Variants in ATAD3A observed in about 807,000 individuals in gnomAD.
The protein encoded by ATAD3A is ATPase family AAA domain containing 3A, also known as ATPase family AAA domain-containing protein 3A.
ATAD3A carries 46 observed loss-of-function variants against 73.8 expected under a neutral mutation model. The observed-to-expected ratio is 0.62, with a 90% CI of 0.49 to 0.80. The LOEUF (loss-of-function observed/expected upper bound fraction) is 0.80, where lower values mean the gene tolerates loss of function less well. Among genes scored for constraint, ATAD3A ranks in the 30% least tolerant of loss-of-function variants. ATAD3A has a pLI of 0.00. For synonymous variants in ATAD3A, 319 were observed against 350.0 expected (o/e 0.91, Z 0.99); for missense variants, 705 against 838.0 (o/e 0.84, Z 1.96).
At chr1:1,525,413 C>CTTT (rs57929223) in intron 12 of ATAD3A, 122 bp downstream of exon 12, 399 of 744,986 alleles carry the variant, frequency 5.4e-4, no homozygotes, top group Middle Eastern at 7.1e-4. Context: ...TGAAAAACAG[C>CTTT]TTTTTTTTTT....
At chr1:1,526,298 C>G (rs1157176893) in intron 12 of ATAD3A, among the ~76,000 whole-genome samples, 163 bp from the exon 13 acceptor site, 4 of 152,074 alleles carry the variant, frequency 2.6e-5, no homozygotes, top group African/African-American at 9.7e-5. Context: ...AGGTTACATT[C>G]GTGAGCCACC....
rs146789318 is a variant in ATAD3A, at chr1:1,517,908, A to G, written c.444+133A>G. 6.8e-4 allele frequency: 854 copies of G among 1,259,154 alleles called. 2 individuals carry two copies. The African/African-American group carries it at 0.011, about 16-fold the overall frequency. The allele number at this position is 1,259,154 out of a possible 1,614,324, so 78.0% of individuals were successfully genotyped here. A position where few individuals can be genotyped will look rare whatever the true frequency, so the allele number is the denominator to read the frequency against. On this transcript the variant is annotated intron_variant, in intron 4 of 15. Coordinates refer to ENST00000378756, the MANE Select transcript of ATAD3A (RefSeq NM_001170535.3). ...GACGGTGGGTGCTAGAGCAGGGGAAACTACTCGGACAGACACGCACCAGCA... is the reference window on the plus strand; with the variant it reads ...GACGGTGGGTGCTAGAGCAGGGGAAGCTACTCGGACAGACACGCACCAGCA...
chr1:1,529,545 C>A lies in ATAD3A; in HGVS notation c.1614+214C>A, dbSNP rs145045460. On this transcript the variant is annotated intron_variant, in intron 15 of 15. Transcript: ENST00000378756. ...TGCCCTCAGGAGGGTGGAGCCATGT[C>A]GGTGGCTGACAGTCACCCGGGGCTC... Among the ~76,000 whole-genome samples, 102 of 152,340 alleles carry A rather than the reference C, an allele frequency of 6.7e-4. 1 individual carries two copies. The highest frequency in any genetic ancestry group is 2.4e-3 in the African/African-American group (98 of 41,588).
rs562311234 is a variant in ATAD3A at position 1,516,306 on chromosome 1, G to A, written c.282+218G>A. 1.3e-4 allele frequency among the ~76,000 whole-genome samples: 20 copies of A among 152,138 alleles called. No individual in the cohort carries two copies. In the South Asian group the frequency reaches 2.3e-3, roughly 17 times the overall value. On this transcript the variant is annotated intron_variant, in intron 2 of 15. Coordinates refer to ENST00000378756, the MANE Select transcript of ATAD3A (RefSeq NM_001170535.3). ...CGAGAGGGAGGGCTGGTGTTGGTGA[G>A]GGCGTCTGGTCGTCCGGAGGGAGGG...
In ATAD3A at chr1:1,520,763, C is replaced by T; in HGVS notation, c.750+146C>T. 1 of 1,315,994 alleles carries T rather than the reference C, an allele frequency of 7.6e-7. No homozygotes were observed. Among genetic ancestry groups the T allele is most frequent in the Admixed American group, 2.4e-5 (1 of 41,856 alleles). The allele number at this position is 1,315,994 out of a possible 1,614,324, so 81.5% of individuals were successfully genotyped here. A position where few individuals can be genotyped will look rare whatever the true frequency, so the allele number is the denominator to read the frequency against. ...GGAAGCCCACGTTGTACCTGCTGGC[C>T]TCGGCTTCTCCTCCCTTCTCAAGCT... On this transcript the variant is annotated intron_variant, in intron 7 of 15. Coordinates refer to ENST00000378756, the MANE Select transcript of ATAD3A (RefSeq NM_001170535.3). The surrounding 1 kb of genome is among the most constrained non-coding windows in gnomAD (Gnocchi z 4.0).
intron 1 of ATAD3A, among the ~76,000 whole-genome samples, chr1:1,513,465 G>A (rs1000711857): frequency 1.3e-5 from 2 of 150,856 alleles, no homozygotes; most frequent in Non-Finnish European, 3.0e-5. Flanking sequence ...TGGCGGCCCC[G>A]GAGCTCCTGA....
rs755778415 is a variant in ATAD3A, at chr1:1,520,095, C to T, written c.515-46C>T. ...GGTCCACAGTGTGGGTGGAGGTGGACGCGCTGCACTGCATGGTGCTGAGCT... is the reference window on the plus strand; with the variant it reads ...GGTCCACAGTGTGGGTGGAGGTGGATGCGCTGCACTGCATGGTGCTGAGCT... On this transcript the variant is annotated intron_variant, in intron 5 of 15. Coordinates refer to ENST00000378756, the MANE Select transcript of ATAD3A (RefSeq NM_001170535.3). The surrounding 1 kb of genome is among the most constrained non-coding windows in gnomAD (Gnocchi z 4.0). 13 of 1,582,308 alleles carry T rather than the reference C, an allele frequency of 8.2e-6. No homozygotes were observed. The highest frequency in any genetic ancestry group is 1.1e-5 in the Non-Finnish European group (13 of 1,165,468).
intron 12 of ATAD3A, 107 bp downstream of exon 12, chr1:1,525,398 T>C: frequency 6.9e-7 from 1 of 1,438,892 alleles, no homozygotes; most frequent in Non-Finnish European, 9.5e-7. Flanking sequence ...TCTGTAAGCT[T>C]TGTGTGAAAA....
chr1:1,528,965 C>T (rs1330463669), intron 14 of ATAD3A, among the ~76,000 whole-genome samples: 3 of 152,246 alleles, frequency 2.0e-5, no homozygotes, highest in Admixed American at 1.3e-4. Flanking sequence ...ACCTGCCCTG[C>T]GGGTGCTGAG....
In ATAD3A at chr1:1,515,887, A is replaced by T. The variant is rs1297256434; in HGVS notation, c.206-125A>T. ...TGACTAGGAAGGAGGATGGGGAGGC[A>T]GGGCTGGGGGCTTTGAGGTCGAGGC... On this transcript the variant is annotated intron_variant, in intron 1 of 15. Coordinates refer to ENST00000378756, the MANE Select transcript of ATAD3A (RefSeq NM_001170535.3). 5.1e-6 allele frequency: 5 copies of T among 987,500 alleles called. No homozygotes were observed. In the Admixed American group the frequency reaches 1.0e-4, roughly 20 times the overall value. 61.2% of individuals were successfully genotyped at this position (987,500 alleles called of 1,614,324 possible). A position where few individuals can be genotyped will look rare whatever the true frequency, so the allele number is the denominator to read the frequency against.
At chr1:1,521,587 G>A (rs190735602) in intron 7 of ATAD3A, among the ~76,000 whole-genome samples, 2,289 of 152,322 alleles carry the variant, frequency 0.015, 36 homozygotes, top group Middle Eastern at 0.048. Flanking sequence ...TGACTGCAGC[G>A]CCTGCCGGTG....
Position 1,523,566 on chromosome 1 carries a change from G to C in ATAD3A, c.962G>C (p.Ser321Thr). The stretch of plus-strand genomic sequence containing the variant: ...GACGCGCTGGAGGGTGTTGTGCTCA[G>C]TGTAAGTCGGTGTGCCTGGGACCGG... ...PQDALEGVVL[S>T]PSLEARVRDI... The change falls in exon 9 of 16, where the codon AGT becomes ACT. Residue 321 changes from serine to threonine, a missense_variant and splice_region_variant. Around this residue, in one of 5 missense-constraint regions of ATAD3A, gnomAD observed 315 missense variants for 334.1 expected, o/e 0.94. Coordinates refer to ENST00000378756, the MANE Select transcript of ATAD3A (RefSeq NM_001170535.3). The surrounding 1 kb of genome is among the most constrained non-coding windows in gnomAD (Gnocchi z 5.1). 6.2e-7 allele frequency: 1 copy of C among 1,612,908 alleles called. No homozygotes were observed. Among genetic ancestry groups the C allele is most frequent in the Non-Finnish European group, 8.5e-7 (1 of 1,179,758 alleles).
chr1:1,523,955 G>T lies in ATAD3A; in HGVS notation c.1080G>T (p.Leu360=). 1 of 1,613,942 alleles carries T rather than the reference G, an allele frequency of 6.2e-7. No homozygotes were observed. Among genetic ancestry groups the T allele is most frequent in the Non-Finnish European group, 8.5e-7 (1 of 1,180,010 alleles). The change falls in exon 10 of 16, where the codon CTG becomes CTT. Residue 360 remains leucine, a synonymous_variant. Coordinates refer to ENST00000378756, the MANE Select transcript of ATAD3A (RefSeq NM_001170535.3). This position sits in a 1 kb window ranked among gnomAD's most constrained non-coding sequence, Gnocchi z 5.1. ...MYGPPGTGKT[L]FAKKLALHSG... ...GGCCACCAGGCACCGGGAAGACGCTGTTTGCCAAGGTGAGAGCGCCTGGCT... is the reference window on the plus strand; with the variant it reads ...GGCCACCAGGCACCGGGAAGACGCTTTTTGCCAAGGTGAGAGCGCCTGGCT...
chr1:1,522,498 T>C (rs1343690004), intron 7 of ATAD3A, among the ~76,000 whole-genome samples: 5 of 152,346 alleles, frequency 3.3e-5, no homozygotes, highest in African/African-American at 1.2e-4. Context: ...CGAGGCTTTC[T>C]AGGATTTATG....
At chr1:1,530,276 G>A (rs79363375) in intron 15 of ATAD3A, among the ~76,000 whole-genome samples, 6 of 152,288 alleles carry the variant, frequency 3.9e-5, no homozygotes, top group Admixed American at 1.3e-4. Flanking sequence ...GGTGGCTGAC[G>A]CTTGTATTCC....
rs886849743 is a variant in ATAD3A at position 1,523,239 on chromosome 1, C to T, written c.907-272C>T. ...GTCTGGTGGCCTCCCTGGGGAGCCG[C>T]GCCGCTCGCCGCCCCCGAGGTGCCT... On this transcript the variant is annotated intron_variant, in intron 8 of 15. Transcript: ENST00000378756. The surrounding 1 kb of genome is among the most constrained non-coding windows in gnomAD (Gnocchi z 5.1). 4.6e-5 allele frequency among the ~76,000 whole-genome samples: 7 copies of T among 151,954 alleles called. No individual in the cohort carries two copies. The East Asian group carries it at 5.8e-4, about 13-fold the overall frequency.
intron 13 of ATAD3A, chr1:1,527,251 C>G (rs938762415): frequency 7.8e-7 from 1 of 1,286,992 alleles, no homozygotes; most frequent in Admixed American, 2.4e-5. Context: ...CAGCTGCTGC[C>G]GGTGGATGCT....
At chr1:1,513,367 C>A (rs889877577) in intron 1 of ATAD3A, among the ~76,000 whole-genome samples, 3 of 151,498 alleles carry the variant, frequency 2.0e-5, no homozygotes, top group African/African-American at 7.3e-5. Context: ...GATCAGCCTG[C>A]GGCCCCCTGC....
At position 1,526,492 on chromosome 1, in the gene ATAD3A, T is replaced by C; in HGVS notation, c.1298T>C (p.Leu433Pro). ...EKISEDLRAT[L>P]NAFLYRTGQH... ...ATAAGCGAGGACCTCAGGGCCACAC[T>C]GAACGCCTTCCTGTACCGCACGGGC... The change falls in exon 13 of 16, where the codon CTG becomes CCG. Residue 433 changes from leucine (L) to proline (P), a missense_variant. Physicochemically the swap from Leu to Pro is moderately conservative, Grantham distance 98. Coordinates refer to ENST00000378756, the MANE Select transcript of ATAD3A (RefSeq NM_001170535.3). 1 of 1,612,832 alleles carries C rather than the reference T, an allele frequency of 6.2e-7. No homozygotes were observed. The highest frequency in any genetic ancestry group is 8.5e-7 in the Non-Finnish European group (1 of 1,179,660).
Sources: gnomAD v4.1 joint callset for allele counts (sites outside exome capture counted in the v4.1 genomes callset) on GRCh38, gnomAD v4.1.1 for gene constraint, gnomAD v4.1.1 regional missense constraint, Gnocchi (gnomAD v3.1) non-coding constraint, MANE v1.5 for transcripts, NCBI Gene and HGNC (gene_info 2026-07-23, HGNC 2026-07-21) for gene names.